The following POPDC1 variants were observed in gnomAD, a reference collection of about 807,000 sequenced individuals.
The protein encoded by POPDC1 is popeye domain-containing protein 1.
At chr6:105,110,830 C>T in the POPDC1 span, among the ~76,000 whole-genome samples, 1 of 152,094 alleles carries the variant, frequency 6.6e-6, no homozygotes, top group Non-Finnish European at 1.5e-5. Flanking sequence ...ACCACAGGCG[C>T]ATGCCATCAC....
chr6:105,128,799 T>C, the POPDC1 span, among the ~76,000 whole-genome samples: 2 of 152,210 alleles, frequency 1.3e-5, no homozygotes, highest in Admixed American at 6.5e-5. Context: ...TCAGTAGATA[T>C]ATATGGGGTG....
chr6:105,125,468 G>A, the POPDC1 span: 1 of 1,614,184 alleles, frequency 6.2e-7, no homozygotes. Context: ...CCTTTTTCAA[G>A]GTTTGGATCA....
At chr6:105,113,936 C>T in the POPDC1 span, among the ~76,000 whole-genome samples, 7,968 of 151,102 alleles carry the variant, frequency 0.053, 239 homozygotes, top group Middle Eastern at 0.15. Context: ...ACTCCCATCC[C>T]CCCCGCCACA....
chr6:105,125,700 G>A, the POPDC1 span: 3 of 919,318 alleles, frequency 3.3e-6, no homozygotes, highest in Non-Finnish European at 5.0e-6. Context: ...TCACCCTTCT[G>A]TATTTAGGCC....
the POPDC1 span, among the ~76,000 whole-genome samples, chr6:105,107,405 C>T: frequency 6.6e-6 from 1 of 152,080 alleles, no homozygotes; most frequent in Non-Finnish European, 1.5e-5. Flanking sequence ...AGCCTGAAGG[C>T]CTCTCCTAGG....
the POPDC1 span, among the ~76,000 whole-genome samples, chr6:105,110,990 T>C: frequency 8.1e-4 from 123 of 152,352 alleles, no homozygotes; most frequent in African/African-American, 2.8e-3. Context: ...CTGGCCAGTG[T>C]AGTACTGTCT....
the POPDC1 span, among the ~76,000 whole-genome samples, chr6:105,109,763 C>CAA: frequency 1.4e-3 from 31 of 22,872 alleles, 2 homozygotes; most frequent in East Asian, 0.011. Flanking sequence ...GACCCTTTCT[C>CAA]AAAAAAAAAA....
the POPDC1 span, among the ~76,000 whole-genome samples, chr6:105,108,731 T>C: frequency 4.6e-5 from 7 of 152,214 alleles, no homozygotes; most frequent in Non-Finnish European, 7.3e-5. Flanking sequence ...AGTCATGACA[T>C]TGGAAACAGA....
At chr6:105,118,536 A>G in the POPDC1 span, among the ~76,000 whole-genome samples, 1 of 152,236 alleles carries the variant, frequency 6.6e-6, no homozygotes, top group Non-Finnish European at 1.5e-5. Context: ...TGAAGTTACA[A>G]TGGTAAATAA....
chr6:105,126,310 T>C, the POPDC1 span, among the ~76,000 whole-genome samples: 1 of 151,618 alleles, frequency 6.6e-6, no homozygotes, highest in Non-Finnish European at 1.5e-5. Flanking sequence ...TTAGTACCTA[T>C]AGTCCTGGGT....
chr6:105,115,253 AT>A, the POPDC1 span, among the ~76,000 whole-genome samples: 2 of 151,836 alleles, frequency 1.3e-5, no homozygotes, highest in Non-Finnish European at 2.9e-5. Flanking sequence ...AGCCCGGCTA[AT>A]TTTTTTTGTA....
the POPDC1 span, chr6:105,100,784 G>C: frequency 4.1e-4 from 76 of 184,742 alleles, no homozygotes; most frequent in African/African-American, 1.7e-3. Context: ...AAGGCATTGA[G>C]AGATTGCTAA....
the POPDC1 span, chr6:105,133,251 TTGC>T: frequency 9.8e-7 from 1 of 1,017,366 alleles, no homozygotes; most frequent in Non-Finnish European, 1.4e-6. Context: ...ATTTTTTGGC[TTGC>T]TATGGGCCTG....
chr6:105,108,620 T>C, the POPDC1 span, among the ~76,000 whole-genome samples: 3 of 151,518 alleles, frequency 2.0e-5, no homozygotes, highest in Non-Finnish European at 4.4e-5. Flanking sequence ...AAAAAGAGAG[T>C]CAAGGCATAA....
At chr6:105,133,617 T>C in the POPDC1 span, 1 of 1,493,690 alleles carries the variant, frequency 6.7e-7, no homozygotes, top group Non-Finnish European at 9.1e-7. Context: ...AAAAGTAAAA[T>C]CGTAAAAATG....
chr6:105,122,378 A>T, the POPDC1 span, among the ~76,000 whole-genome samples: 826 of 152,348 alleles, frequency 5.4e-3, 7 homozygotes, highest in African/African-American at 0.019. Flanking sequence ...AATTACCGGG[A>T]ATAATTCTCA....
chr6:105,130,376 A>C, the POPDC1 span, among the ~76,000 whole-genome samples: 7 of 152,154 alleles, frequency 4.6e-5, no homozygotes, highest in Non-Finnish European at 1.0e-4. Context: ...GTGGAAAAAA[A>C]ATTTTATACA....
At chr6:105,124,798 T>C in the POPDC1 span, 1 of 637,388 alleles carries the variant, frequency 1.6e-6, no homozygotes, top group South Asian at 2.0e-5. Context: ...CTAAAAGCAC[T>C]TCTTGAGGCA....
the POPDC1 span, among the ~76,000 whole-genome samples, chr6:105,127,280 G>A: frequency 1.4e-4 from 22 of 152,236 alleles, no homozygotes; most frequent in Middle Eastern, 6.8e-3. Context: ...TACCTATTTG[G>A]TGCTATGATC....
Sources: gnomAD v4.1 joint callset for allele counts (sites outside exome capture counted in the v4.1 genomes callset) on GRCh38, gnomAD v4.1.1 for gene constraint, MANE v1.5 for transcripts, NCBI Gene and HGNC (gene_info 2026-07-23, HGNC 2026-07-21) for gene names.